Variants in IGSF11 observed in about 807,000 individuals in gnomAD.
IGSF11 encodes the protein CXADR like 1.
A neutral mutation model predicts 41.0 loss-of-function variants in IGSF11; 22 were observed. The observed-to-expected ratio is 0.54, with a 90% CI of 0.38 to 0.77. The LOEUF is 0.77. IGSF11 is among the 30% of genes least tolerant of loss of function. The pLI, the probability that IGSF11 is intolerant of heterozygous loss-of-function variation, is 0.00. For synonymous variants in IGSF11, 219 were observed against 201.3 expected (o/e 1.09, Z -0.74); for missense variants, 444 against 530.8 (o/e 0.84, Z 1.61).
chr3:119,021,272 C>T (rs1239016042), intron 1 of IGSF11, among the ~76,000 whole-genome samples: 2 of 152,000 alleles, frequency 1.3e-5, no homozygotes, highest in African/African-American at 4.8e-5. Context: ...AAATTAGTAT[C>T]ATGAGATTAA....
chr3:118,981,147 T>C (rs1484343837), intron 1 of IGSF11, among the ~76,000 whole-genome samples: 1 of 152,176 alleles, frequency 6.6e-6, no homozygotes, highest in Non-Finnish European at 1.5e-5. Context: ...AATTATTTTA[T>C]GTTGCTTTGG....
intron 1 of IGSF11, among the ~76,000 whole-genome samples, chr3:119,039,989 G>C (rs780059821): frequency 6.6e-6 from 1 of 152,140 alleles, no homozygotes; most frequent in Non-Finnish European, 1.5e-5. Flanking sequence ...AAACAAAGAC[G>C]ATAACAGCCC....
chr3:119,132,631 T>C (rs114239965), intron 1 of IGSF11, among the ~76,000 whole-genome samples: 5,867 of 152,174 alleles, frequency 0.039, 186 homozygotes, highest in Non-Finnish European at 0.051. Context: ...TGGGAGACTT[T>C]AACATCCCAC....
intron 1 of IGSF11, among the ~76,000 whole-genome samples, chr3:119,050,384 C>T (rs1376468398): frequency 6.6e-6 from 1 of 152,188 alleles, no homozygotes; most frequent in African/African-American, 2.4e-5. Context: ...AGCCAAAAAA[C>T]ACATGAAAAA....
rs558008617 is a variant in IGSF11, at chr3:118,968,667, A to T, written c.53-38392T>A. Among the ~76,000 whole-genome samples the T allele has an allele frequency of 4.6e-5, 7 of 152,356 alleles. No individual in the cohort carries two copies. In the South Asian group the frequency reaches 1.4e-3, roughly 32 times the overall value. On this transcript the variant is annotated intron_variant, in intron 1 of 6. Transcript: ENST00000393775. Reference sequence around the variant, plus strand: ...TCTCTTTATCTCTTCGATAACTTTGAGCAAGTGTTAACTAAAGATGTTCAA... The same window carrying T: ...TCTCTTTATCTCTTCGATAACTTTGTGCAAGTGTTAACTAAAGATGTTCAA...
At chr3:118,908,863 G>C (rs1559875335) in intron 4 of IGSF11, among the ~76,000 whole-genome samples, 1 of 152,204 alleles carries the variant, frequency 6.6e-6, no homozygotes, top group African/African-American at 2.4e-5. Flanking sequence ...CAGTTAGACA[G>C]CCTAAGTTTG....
At chr3:119,075,658 C>T (rs1296115226) in intron 1 of IGSF11, among the ~76,000 whole-genome samples, 2 of 152,158 alleles carry the variant, frequency 1.3e-5, no homozygotes, top group East Asian at 3.8e-4. Flanking sequence ...TCCTGGGATG[C>T]AAGATTGGTT....
chr3:119,124,455 C>T (rs981098896), intron 1 of IGSF11, among the ~76,000 whole-genome samples: 1 of 150,154 alleles, frequency 6.7e-6, no homozygotes, highest in South Asian at 2.1e-4. Flanking sequence ...TTAGTAGAGA[C>T]GGGGTTTCAC....
chr3:118,980,962 A>G (rs1274699219), intron 1 of IGSF11, among the ~76,000 whole-genome samples: 1 of 152,166 alleles, frequency 6.6e-6, no homozygotes, highest in East Asian at 1.9e-4. Flanking sequence ...TTGAAAACTC[A>G]TTTCCCAGGA....
intron 1 of IGSF11, among the ~76,000 whole-genome samples, chr3:118,948,651 G>A (rs1317581202): frequency 6.6e-6 from 1 of 152,124 alleles, no homozygotes; most frequent in Non-Finnish European, 1.5e-5. Context: ...TTCCTCACGA[G>A]AAAATTGTAA....
intron 1 of IGSF11, among the ~76,000 whole-genome samples, chr3:119,028,099 T>C (rs996727655): frequency 2.0e-5 from 3 of 152,214 alleles, no homozygotes; most frequent in African/African-American, 7.2e-5. Context: ...GCCTTGATGT[T>C]TGATGTTATT....
In IGSF11 at chr3:118,916,434, T is replaced by A. The variant is rs972398373; in HGVS notation, c.580+9667A>T. ...AAGATCTACCAAGCAAATGGAAAAC[T>A]AAAAAAGGCAGGGGTTGCAATCCTA... On this transcript the variant is annotated intron_variant, in intron 4 of 6. Transcript: ENST00000393775. 1.1e-3 allele frequency among the ~76,000 whole-genome samples: 166 copies of A among 151,338 alleles called. 2 individuals are homozygous for A. The highest frequency in any genetic ancestry group is 3.8e-3 in the African/African-American group (156 of 41,042).
rs905488692 is a variant in IGSF11 at position 119,053,969 on chromosome 3, G to A, written c.49+51175C>T. Reference sequence around the variant, plus strand: ...TGGGATAAATGGCAAGCCACATGTAGAAGAATGAAACTGGATCCTCATCTC... The same window carrying A: ...TGGGATAAATGGCAAGCCACATGTAAAAGAATGAAACTGGATCCTCATCTC... On this transcript the variant is annotated intron_variant, in intron 1 of 6. Transcript: ENST00000354673. 2.4e-4 allele frequency among the ~76,000 whole-genome samples: 37 copies of A among 152,154 alleles called. 1 individual carries two copies. The highest frequency in any genetic ancestry group is 2.4e-3 in the Admixed American group (37 of 15,272).
intron 4 of IGSF11, among the ~76,000 whole-genome samples, chr3:118,918,113 T>C (rs1454408039): frequency 1.1e-5 from 1 of 92,460 alleles, no homozygotes; most frequent in African/African-American, 5.9e-5. Context: ...TATTTCAAAA[T>C]AATAAGAGCT....
At chr3:119,099,306 G>C (rs1421080001) in intron 1 of IGSF11, among the ~76,000 whole-genome samples, 1 of 152,122 alleles carries the variant, frequency 6.6e-6, no homozygotes, top group Non-Finnish European at 1.5e-5. Flanking sequence ...ACTGGGAAAG[G>C]GAAGGTTAGT....
At position 119,028,716 on chromosome 3, in the gene IGSF11, T is replaced by C. The variant is rs192229412; in HGVS notation, c.52+5815A>G. ...GTTATAAAATTTGAAAAAAAAACTA[T>C]GAAAATTGATCTCTATCACCTGTTC... On this transcript the variant is annotated intron_variant, in intron 1 of 6. Transcript: ENST00000393775. 2.3e-3 allele frequency among the ~76,000 whole-genome samples: 342 copies of C among 151,334 alleles called. 1 individual carries two copies. Among genetic ancestry groups the C allele is most frequent in the African/African-American group, 7.9e-3 (328 of 41,276 alleles).
chr3:119,108,152 A>G (rs1288008893), upstream of IGSF11, among the ~76,000 whole-genome samples: 7 of 151,048 alleles, frequency 4.6e-5, no homozygotes, highest in Middle Eastern at 3.4e-3. Context: ...GATGGGGATG[A>G]CATTGAATCT....
chr3:118,997,885 A>G (rs895862604), intron 1 of IGSF11, among the ~76,000 whole-genome samples: 2 of 152,178 alleles, frequency 1.3e-5, no homozygotes, highest in Admixed American at 1.3e-4. Context: ...GTTCATGGCA[A>G]ATGCTAAGAA....
intron 3 of IGSF11, 91 bp downstream of exon 3, chr3:118,928,418 T>G: frequency 1.1e-6 from 1 of 906,876 alleles, no homozygotes; most frequent in South Asian, 1.5e-5. Flanking sequence ...ATAAGCAGAC[T>G]GAAGGTGTAG....
Sources: allele counts gnomAD v4.1 joint callset (sites outside exome capture counted in the v4.1 genomes callset), GRCh38; gene constraint gnomAD v4.1.1; transcripts MANE v1.5; gene names NCBI Gene and HGNC (gene_info 2026-07-23, HGNC 2026-07-21).